PCNT: variants seen among roughly 807,000 people sequenced by gnomAD.
PCNT encodes pericentrin, also known as kendrin.
In PCNT, 319 loss-of-function variants were observed where a neutral mutation model predicts 380.4. That is an observed-to-expected ratio of 0.84 (90% CI 0.77 to 0.92). The LOEUF (loss-of-function observed/expected upper bound fraction) is 0.92, where lower values mean the gene tolerates loss of function less well. Among genes scored for constraint, PCNT ranks in the 40% least tolerant of loss-of-function variants. The pLI is 0.00. For synonymous variants in PCNT, 1,845 were observed against 1,735.2 expected (o/e 1.06, Z -1.57); for missense variants, 4,400 against 4,255.3 (o/e 1.03, Z -0.95).
intron 8 of PCNT, 141 bp downstream of exon 8, chr21:46,349,961 C>T (rs141793085): frequency 2.0e-5 from 17 of 858,464 alleles, no homozygotes; most frequent in Admixed American, 1.2e-4. Context: ...CAGTGGTTCA[C>T]GCCTGTAACT....
At chr21:46,393,714 G>A (rs923174136) in intron 21 of PCNT, among the ~76,000 whole-genome samples, 8 of 152,198 alleles carry the variant, frequency 5.3e-5, no homozygotes, top group African/African-American at 1.2e-4. Context: ...TGCCTGTGTC[G>A]TGCCCTGGGC....
At chr21:46,406,464 T>A (rs2147591692) in intron 27 of PCNT, among the ~76,000 whole-genome samples, 1 of 152,380 alleles carries the variant, frequency 6.6e-6, no homozygotes, top group Non-Finnish European at 1.5e-5. Flanking sequence ...CTTTTGTATG[T>A]TAACCTTGCT....
At chr21:46,345,925 G>A (rs1164797381) in intron 3 of PCNT, among the ~76,000 whole-genome samples, 1 of 152,178 alleles carries the variant, frequency 6.6e-6, no homozygotes, top group African/African-American at 2.4e-5. Flanking sequence ...CCTTCTTGTG[G>A]CTGAATGGCA....
intron 40 of PCNT, 26 bp downstream of exon 40, chr21:46,437,107 C>T: frequency 1.3e-6 from 2 of 1,522,722 alleles, no homozygotes; most frequent in East Asian, 2.2e-5. Context: ...CCCCAGGTCC[C>T]TGGCCTGGCT....
At chr21:46,394,931 T>C (rs529092114) in intron 21 of PCNT, among the ~76,000 whole-genome samples, 36 of 152,204 alleles carry the variant, frequency 2.4e-4, no homozygotes, top group Non-Finnish European at 2.8e-4. Flanking sequence ...CTCGTGTGCC[T>C]CCCTGAGTCT....
chr21:46,436,390 C>T (rs1003069223), intron 39 of PCNT, among the ~76,000 whole-genome samples: 4 of 143,718 alleles, frequency 2.8e-5, no homozygotes, highest in African/African-American at 1.0e-4. Flanking sequence ...CTTCCATGTT[C>T]CTTTGAGGGT....
At chr21:46,350,240 G>A (rs1255963154) in intron 8 of PCNT, among the ~76,000 whole-genome samples, 1 of 152,186 alleles carries the variant, frequency 6.6e-6, no homozygotes. Flanking sequence ...GTGAATAAAA[G>A]TGTAAGGATA....
chr21:46,346,350 C>A, intron 4 of PCNT, 142 bp downstream of exon 4: 1 of 750,426 alleles, frequency 1.3e-6, no homozygotes, highest in Non-Finnish European at 2.2e-6. Context: ...TGTGTGGGGC[C>A]ATCAGCAGGG....
rs1474939581 is a variant in PCNT, at chr21:46,443,824, C to T, written c.9715C>T (p.Gln3239Ter). The T allele has an allele frequency of 2.2e-5, 36 of 1,613,738 alleles. No individual in the cohort carries two copies. The highest frequency in any genetic ancestry group is 3.1e-5 in the Non-Finnish European group (36 of 1,180,004). Residue 3239 changes from glutamine to a stop codon, truncating the protein, a stop_gained, in exon 45 of 47, where the codon CAG becomes TAG. Coordinates refer to ENST00000359568, the MANE Select transcript of PCNT (RefSeq NM_006031.6). LOFTEE classifies it high-confidence loss of function. ...KAPRPGPRAR[Q>*]PQSPPRTRES... The stretch of plus-strand genomic sequence containing the variant: ...TTCTGGGGAAGGGCCCCGAGCACGA[C>T]AGCCGCAGTCTCCACCCAGAACCAG...
chr21:46,444,629 CGTCT>C, intron 45 of PCNT, 61 bp from the exon 46 acceptor site: 2 of 1,569,340 alleles, frequency 1.3e-6, no homozygotes, highest in South Asian at 1.1e-5. Flanking sequence ...ACCATGGCTC[CGTCT>C]GTCAAACTCA....
chr21:46,324,382 G>A, intron 1 of PCNT, 100 bp downstream of exon 1: 2 of 1,037,658 alleles, frequency 1.9e-6, no homozygotes, highest in Non-Finnish European at 2.9e-6. Flanking sequence ...ACGCGGTCCG[G>A]CGGAAGCCGC....
intron 27 of PCNT, among the ~76,000 whole-genome samples, chr21:46,405,878 C>T (rs1256370077): frequency 6.6e-6 from 1 of 152,170 alleles, no homozygotes; most frequent in African/African-American, 2.4e-5. Flanking sequence ...TTTTTAAGGA[C>T]AATCCCCAAT....
chr21:46,326,314 G>C (rs2079322050), intron 1 of PCNT, 63 bp from the exon 2 acceptor site: 2 of 1,510,478 alleles, frequency 1.3e-6, no homozygotes, highest in Non-Finnish European at 1.8e-6. Context: ...TGTTGACTTT[G>C]TGGTTCTGTT....
chr21:46,417,383 G>A (rs947973370), intron 30 of PCNT, among the ~76,000 whole-genome samples: 1 of 151,678 alleles, frequency 6.6e-6, no homozygotes, highest in Non-Finnish European at 1.5e-5. Flanking sequence ...TAGTAGAGAC[G>A]GGGTTTTACC....
intron 15 of PCNT, among the ~76,000 whole-genome samples, chr21:46,373,373 G>A (rs2085217736): frequency 6.6e-6 from 1 of 151,968 alleles, no homozygotes; most frequent in Admixed American, 6.6e-5. Flanking sequence ...TTGAGGTACA[G>A]GTTTGCGCGA....
chr21:46,391,233 A>G lies in PCNT; in HGVS notation c.4073A>G (p.Glu1358Gly), dbSNP rs760999858. The G allele has an allele frequency of 6.2e-7, 1 of 1,608,826 alleles. No individual in the cohort carries two copies. The highest frequency in any genetic ancestry group is 8.5e-7 in the Non-Finnish European group (1 of 1,177,912). The change falls in exon 21 of 47, where the codon GAG becomes GGG. Residue 1358 changes from glutamate to glycine, a missense_variant. Physicochemically the swap from Glu to Gly is moderately conservative, Grantham distance 98. Transcript: ENST00000359568. ...KEVLAGKEDS[E>G]HRLVLELESL... The stretch of plus-strand genomic sequence containing the variant: ...GTGCTGGCCGGGAAGGAGGATTCCG[A>G]GCACCGTCTGGTGCTGGAGCTGGAG...
At chr21:46,396,753 G>A (rs186938521) in intron 21 of PCNT, among the ~76,000 whole-genome samples, 1 of 152,236 alleles carries the variant, frequency 6.6e-6, no homozygotes, top group African/African-American at 2.4e-5. Flanking sequence ...ACAGGCACAC[G>A]CCACCATGTC....
At chr21:46,441,548 G>A (rs1030170436) in intron 43 of PCNT, among the ~76,000 whole-genome samples, 2 of 152,102 alleles carry the variant, frequency 1.3e-5, no homozygotes, top group Admixed American at 6.6e-5. Context: ...CATCGCGGCT[G>A]CAGGCTGGGC....
At position 46,430,212 on chromosome 21, in the gene PCNT, G is replaced by A; in HGVS notation, c.7893G>A (p.Gln2631=). ...EQLSRSLCEV[Q]QEVLQLRSML... Reference sequence around the variant, plus strand: ...TGTCCCGGTCCCTCTGCGAGGTGCAGCAGGAGGTCCTCCAGCTGAGGTGCG... The same window carrying A: ...TGTCCCGGTCCCTCTGCGAGGTGCAACAGGAGGTCCTCCAGCTGAGGTGCG... Residue 2631 remains glutamine, a synonymous_variant, in exon 36 of 47, where the codon CAG becomes CAA. Transcript: ENST00000359568. The A allele has an allele frequency of 1.9e-6, 3 of 1,613,658 alleles. No individual in the cohort carries two copies. The highest frequency in any genetic ancestry group is 2.5e-6 in the Non-Finnish European group (3 of 1,179,930).
Sources: gnomAD v4.1 joint callset for allele counts (sites outside exome capture counted in the v4.1 genomes callset) on GRCh38, gnomAD v4.1.1 for gene constraint, MANE v1.5 for transcripts, NCBI Gene and HGNC (gene_info 2026-07-23, HGNC 2026-07-21) for gene names.